GPR37: variants seen among roughly 807,000 people sequenced by gnomAD.
The protein encoded by GPR37 is prosaposin receptor GPR37.
In GPR37, 20 loss-of-function variants were observed where a neutral mutation model predicts 43.6. The observed-to-expected ratio is 0.46, with a 90% CI of 0.32 to 0.67. GPR37 has a LOEUF of 0.67. GPR37 is among the 30% of genes least tolerant of loss of function. GPR37 has a pLI of 0.03. For missense variants in GPR37, 724 were observed against 797.2 expected (o/e 0.91, Z 1.11); for synonymous variants, 315 against 322.6 (o/e 0.98, Z 0.25).
chr7:124,746,730 G>T lies in GPR37; in HGVS notation c.1637C>A (p.Pro546Gln). Residue 546 changes from proline to glutamine, a missense_variant, in exon 2 of 2, where the codon CCA (proline) becomes CAA (glutamine). This residue lies in a region of GPR37 where 342 missense variants were observed against 441.8 expected (regional missense o/e 0.77). Coordinates refer to ENST00000303921, the MANE Select transcript of GPR37 (RefSeq NM_005302.5). ...FLLFFKSCVT[P>Q]VLLFCLCKPF... ...TTTGCAGAGACAGAAAAGGAGGACT[G>T]GGGTGACACAGGACTTAAAGAACAA... 1 of 1,613,928 alleles carries T rather than the reference G, an allele frequency of 6.2e-7. No individual in the cohort carries two copies. Among genetic ancestry groups the T allele is most frequent in the Non-Finnish European group, 8.5e-7 (1 of 1,179,888 alleles).
intron 1 of GPR37, 29 bp from the exon 2 acceptor site, chr7:124,747,372 C>T: frequency 7.0e-7 from 1 of 1,423,056 alleles, no homozygotes; most frequent in Non-Finnish European, 9.7e-7. Flanking sequence ...GACATTTATT[C>T]CCGGTGTCCC....
intron 1 of GPR37, among the ~76,000 whole-genome samples, chr7:124,756,165 G>C (rs999151516): frequency 6.6e-6 from 1 of 152,030 alleles, no homozygotes; most frequent in African/African-American, 2.4e-5. Flanking sequence ...GATATAAAAA[G>C]GATTTGAATT....
intron 1 of GPR37, among the ~76,000 whole-genome samples, chr7:124,747,710 G>A (rs1269643543): frequency 6.6e-6 from 1 of 152,030 alleles, no homozygotes; most frequent in African/African-American, 2.4e-5. Flanking sequence ...TCTAGATAAG[G>A]AGTCAGGGTA....
intron 1 of GPR37, among the ~76,000 whole-genome samples, chr7:124,758,123 A>G (rs999499590): frequency 2.6e-5 from 4 of 152,148 alleles, no homozygotes; most frequent in African/African-American, 9.7e-5. Flanking sequence ...ATGGAAAAGG[A>G]AACTATTTGG....
intron 1 of GPR37, among the ~76,000 whole-genome samples, chr7:124,757,982 C>T (rs1371047925): frequency 6.6e-6 from 1 of 152,090 alleles, no homozygotes; most frequent in Non-Finnish European, 1.5e-5. Flanking sequence ...TTATTGGGTG[C>T]TGCTGTTTTA....
At chr7:124,762,045 T>C (rs184163604) in intron 1 of GPR37, among the ~76,000 whole-genome samples, 1 of 152,032 alleles carries the variant, frequency 6.6e-6, no homozygotes, top group East Asian at 1.9e-4. Flanking sequence ...AGTAAAAGAT[T>C]TTACTAATAA....
Position 124,764,410 on chromosome 7 carries a change from G to A in GPR37, c.567C>T (p.Leu189=), listed in dbSNP as rs1279434224. 6.2e-7 allele frequency: 1 copy of A among 1,613,616 alleles called. No individual in the cohort carries two copies. The highest frequency in any genetic ancestry group is 1.7e-5 in the Admixed American group (1 of 60,036). ...ACAGGGGCTTGTGGTGGGAACCCTG[G>A]AGTTTCCCGGCTCTCCTTGGCCAGT... is the stretch of plus-strand genomic sequence containing the variant. ...LFYWPRRAGK[L]QGSHHKPLSK... Residue 189 remains leucine, a synonymous_variant, in exon 1 of 2, where the codon CTC becomes CTT. Transcript: ENST00000303921. The surrounding 1 kb of genome is among the most constrained non-coding windows in gnomAD (Gnocchi z 5.4).
intron 1 of GPR37, among the ~76,000 whole-genome samples, chr7:124,749,664 T>C (rs1793710833): frequency 6.6e-6 from 1 of 151,974 alleles, no homozygotes; most frequent in Admixed American, 6.6e-5. Context: ...ATATGGAAAA[T>C]AAGGACATTG....
chr7:124,762,644 C>G (rs1289386522), intron 1 of GPR37, among the ~76,000 whole-genome samples: 1 of 152,192 alleles, frequency 6.6e-6, no homozygotes, highest in Non-Finnish European at 1.5e-5. Context: ...CCAAGCTTGG[C>G]AACAGGAGAA....
In GPR37 at chr7:124,763,948, C is replaced by T. The variant is rs775372151; in HGVS notation, c.1023+6G>A. The stretch of plus-strand genomic sequence containing the variant: ...CACTAGCTTGAGAGCCCCTGGAAGG[C>T]ATTACCTCTATATAGGGCACGATCT... On this transcript the variant is annotated splice_donor_region_variant and intron_variant, in intron 1 of 1. Transcript: ENST00000303921. The T allele has an allele frequency of 4.3e-6, 7 of 1,613,090 alleles. No individual in the cohort carries two copies. In the South Asian group the frequency reaches 5.5e-5, roughly 13 times the overall value.
In GPR37 at chr7:124,764,619, A is replaced by AGG. The variant is rs1260340350; in HGVS notation, c.356_357dup (p.Trp120ProfsTer52). 6.3e-7 allele frequency: 1 copy of AGG among 1,594,498 alleles called. No individual in the cohort carries two copies. On this transcript the variant is annotated frameshift_variant, in exon 1 of 2. Transcript: ENST00000303921. LOFTEE classifies it high-confidence loss of function. The surrounding 1 kb of genome is among the most constrained non-coding windows in gnomAD (Gnocchi z 5.4). ...TGACCCCGAGCACCTTTCCACCTCC[A>AGG]GGGGCCAGGTGGCCTGGTTGGAGGT... is the stretch of plus-strand genomic sequence containing the variant.
chr7:124,765,229 G>T lies in GPR37; in HGVS notation c.-253C>A, dbSNP rs1163088900. The T allele has an allele frequency of 2.4e-6, 1 of 422,550 alleles. No individual in the cohort carries two copies. The highest frequency in any genetic ancestry group is 2.1e-5 in the African/African-American group (1 of 48,716). The allele number at this position is 422,550 out of a possible 1,614,324, so 26.2% of individuals were successfully genotyped here. Reference sequence around the variant, plus strand: ...GTCCCAGCAAGGTATGCCCTCCAAGGTTCCTAGAGGGAATAGGCTACTCCC... The same window carrying T: ...GTCCCAGCAAGGTATGCCCTCCAAGTTTCCTAGAGGGAATAGGCTACTCCC... On this transcript the variant is annotated 5_prime_UTR_variant, in exon 1 of 2. Coordinates refer to ENST00000303921, the MANE Select transcript of GPR37 (RefSeq NM_005302.5).
rs1793655816 is a variant in GPR37 at position 124,745,128 on chromosome 7, C to G, written c.*1397G>C. On this transcript the variant is annotated 3_prime_UTR_variant, in exon 2 of 2. Coordinates refer to ENST00000303921, the MANE Select transcript of GPR37 (RefSeq NM_005302.5). Reference sequence around the variant, plus strand: ...CTCTTTAATGATTTTTAAATAACATCATGTTATAATTTGGAAAAAGGAATA... The same window carrying G: ...CTCTTTAATGATTTTTAAATAACATGATGTTATAATTTGGAAAAAGGAATA... The G allele has an allele frequency of 6.6e-6, 1 of 152,148 alleles. No individual in the cohort carries two copies. The highest frequency in any genetic ancestry group is 6.6e-5 in the Admixed American group (1 of 15,260). 9.4% of individuals were successfully genotyped at this position (152,148 alleles called of 1,614,324 possible).
rs779080776 is a variant in GPR37, at chr7:124,764,720, C to A, written c.257G>T (p.Trp86Leu). ...ACGGCCCGGGGCCGCCGGCAGGTCC[C>A]AGGAGGGTCCCGCAAGAAACGCTGC... is the stretch of plus-strand genomic sequence containing the variant. ...QGAAFLAGPS[W>L]DLPAAPGRDP... Residue 86 changes from tryptophan to leucine, a missense_variant, in exon 1 of 2, where the codon TGG becomes TTG. Physicochemically the swap from Trp to Leu is moderately conservative, Grantham distance 61 (BLOSUM62 -2). This residue lies in a region of GPR37 where 382 missense variants were observed against 355.4 expected (regional missense o/e 1.07). Coordinates refer to ENST00000303921, the MANE Select transcript of GPR37 (RefSeq NM_005302.5). This position sits in a 1 kb window ranked among gnomAD's most constrained non-coding sequence, Gnocchi z 5.4. 1 of 1,607,682 alleles carries A rather than the reference C, an allele frequency of 6.2e-7. No homozygotes were observed. Among genetic ancestry groups the A allele is most frequent in the Non-Finnish European group, 8.5e-7 (1 of 1,178,988 alleles).
chr7:124,764,822 C>A lies in GPR37; in HGVS notation c.155G>T (p.Arg52Leu). 6.2e-7 allele frequency: 1 copy of A among 1,613,708 alleles called. No homozygotes were observed. ...TCCCGGTCCCCAGGCGTCCCTGCCG[C>A]GGCGCTGGATCACTGTAGGTGCACA... is the stretch of plus-strand genomic sequence containing the variant. ...ESCAPTVIQR[R>L]GRDAWGPGNS... The change falls in exon 1 of 2, where the codon CGC (arginine) becomes CTC (leucine). Residue 52 changes from arginine to leucine, a missense_variant. By Grantham distance (102) the Arg-to-Leu change is moderately radical. Coordinates refer to ENST00000303921, the MANE Select transcript of GPR37 (RefSeq NM_005302.5). The surrounding 1 kb of genome is among the most constrained non-coding windows in gnomAD (Gnocchi z 5.4).
chr7:124,747,024 C>A lies in GPR37; in HGVS notation c.1343G>T (p.Gly448Val), dbSNP rs1387306975. The change falls in exon 2 of 2, where the codon GGC (glycine) becomes GTC (valine). Residue 448 changes from glycine to valine, a missense_variant. Physicochemically the swap from Gly to Val is moderately radical, Grantham distance 109. Around this residue, in one of 2 missense-constraint regions of GPR37, gnomAD observed 342 missense variants for 441.8 expected, o/e 0.77. Transcript: ENST00000303921. Reference sequence around the variant, plus strand: ...AAGCGTGGGCAAACAAAAGTAACAGCCAAAATACCACCACAGTCTCGCACT... The same window carrying A: ...AAGCGTGGGCAAACAAAAGTAACAGACAAAATACCACCACAGTCTCGCACT... ...YDSARLWWYFGCYFCLPTLFT... is the reference protein window; with the variant it reads ...YDSARLWWYFVCYFCLPTLFT... 1.2e-6 allele frequency: 2 copies of A among 1,613,808 alleles called. No homozygotes were observed. The highest frequency in any genetic ancestry group is 1.7e-6 in the Non-Finnish European group (2 of 1,179,916).
At position 124,765,084 on chromosome 7, in the gene GPR37, G is replaced by T; in HGVS notation, c.-108C>A. 9.4e-7 allele frequency: 1 copy of T among 1,063,246 alleles called. No homozygotes were observed. The highest frequency in any genetic ancestry group is 1.3e-6 in the Non-Finnish European group (1 of 783,680). 65.9% of individuals were successfully genotyped at this position (1,063,246 alleles called of 1,614,324 possible). A position where few individuals can be genotyped will look rare whatever the true frequency, so the allele number is the denominator to read the frequency against. ...AGGCACATGTCACATACTCACCCCC[G>T]CCCGGGTAGCGGGGAACCGGAGATT... On this transcript the variant is annotated 5_prime_UTR_variant, in exon 1 of 2. Transcript: ENST00000303921.
At chr7:124,754,286 A>G (rs1793767621) in intron 1 of GPR37, among the ~76,000 whole-genome samples, 1 of 152,142 alleles carries the variant, frequency 6.6e-6, no homozygotes, top group Non-Finnish European at 1.5e-5. Flanking sequence ...GAAAGAGCCC[A>G]TGGGTGCTTT....
chr7:124,761,154 C>CAAAAAAAAAAAAAAAAAAAAAAAAA (rs60967099), intron 1 of GPR37, among the ~76,000 whole-genome samples: 1 of 77,470 alleles, frequency 1.3e-5, no homozygotes, highest in African/African-American at 5.3e-5. Flanking sequence ...GACTCCGTCT[C>CAAAAAAAAAAAAAAAAAAAAAAAAA]AAAAAAAAAA....
Sources: gnomAD v4.1 joint callset for allele counts (sites outside exome capture counted in the v4.1 genomes callset) on GRCh38, gnomAD v4.1.1 for gene constraint, gnomAD v4.1.1 regional missense constraint, Gnocchi (gnomAD v3.1) non-coding constraint, MANE v1.5 for transcripts, NCBI Gene and HGNC (gene_info 2026-07-23, HGNC 2026-07-21) for gene names.